The following SLC25A21 variants were observed in gnomAD, a reference collection of about 807,000 sequenced individuals.
SLC25A21 encodes the protein mitochondrial 2-oxodicarboxylate carrier.
A neutral mutation model predicts 43.8 loss-of-function variants in SLC25A21; 47 were observed. The ratio of observed to expected loss-of-function variants is 1.07; its 90% CI spans 0.85 to 1.37. The LOEUF (loss-of-function observed/expected upper bound fraction) is 1.37, where lower values mean the gene tolerates loss of function less well. SLC25A21 is among the 40% of genes most tolerant of loss of function. The probability of loss-of-function intolerance (pLI) is 0.00; values close to 1 mark genes in which losing one functional copy is unlikely to be tolerated. For missense variants in SLC25A21, 352 were observed against 350.2 expected (o/e 1.00, Z -0.04); for synonymous variants, 131 against 121.3 (o/e 1.08, Z -0.52).
At chr14:37,001,372 T>C (rs547121769) in intron 1 of SLC25A21, among the ~76,000 whole-genome samples, 32 of 152,218 alleles carry the variant, frequency 2.1e-4, no homozygotes, top group Admixed American at 4.6e-4. Context: ...AGTGAAGAAA[T>C]TGATGCCCAG....
At chr14:36,984,538 C>T (rs182086742) in intron 1 of SLC25A21, among the ~76,000 whole-genome samples, 345 of 145,670 alleles carry the variant, frequency 2.4e-3, no homozygotes, top group Non-Finnish European at 3.8e-3. Context: ...CCATCATTTG[C>T]TTGTTTAAAT....
At chr14:37,014,267 C>T (rs557116085) in intron 1 of SLC25A21, among the ~76,000 whole-genome samples, 1 of 152,252 alleles carries the variant, frequency 6.6e-6, no homozygotes, top group African/African-American at 2.4e-5. Context: ...CCATTTTCCC[C>T]AGAGTAGAAC....
chr14:36,805,459 G>A (rs546489350), intron 3 of SLC25A21, among the ~76,000 whole-genome samples: 17 of 152,224 alleles, frequency 1.1e-4, no homozygotes, highest in African/African-American at 2.6e-4. Flanking sequence ...CTGGGATGCC[G>A]CCCTCTGAGC....
At chr14:37,171,883 A>G in intron 1 of SLC25A21, 1 of 205,914 alleles carries the variant, frequency 4.9e-6, no homozygotes, top group Admixed American at 5.4e-5. Flanking sequence ...GTAAGACCTG[A>G]GCGAGCTTGA....
intron 2 of SLC25A21, among the ~76,000 whole-genome samples, chr14:36,857,026 C>A (rs982761237): frequency 3.3e-5 from 5 of 152,210 alleles, no homozygotes; most frequent in African/African-American, 1.2e-4. Flanking sequence ...CCTCATATTT[C>A]CATGGGCCTT....
chr14:36,763,903 C>G (rs992203655), intron 3 of SLC25A21, among the ~76,000 whole-genome samples: 1 of 150,632 alleles, frequency 6.6e-6, no homozygotes, highest in African/African-American at 2.5e-5. Context: ...ATGGTGGGCA[C>G]CTGTAATCTC....
chr14:36,733,388 T>C (rs1213665574), intron 4 of SLC25A21, among the ~76,000 whole-genome samples: 1 of 152,220 alleles, frequency 6.6e-6, no homozygotes, highest in Non-Finnish European at 1.5e-5. Context: ...GAAGTGATAC[T>C]ATAAAATCAC....
intron 3 of SLC25A21, among the ~76,000 whole-genome samples, chr14:36,756,706 G>T (rs774612625): frequency 6.6e-6 from 1 of 152,160 alleles, no homozygotes; most frequent in Non-Finnish European, 1.5e-5. Context: ...TAGGACAAAT[G>T]AGTCAAATAA....
intron 7 of SLC25A21, among the ~76,000 whole-genome samples, chr14:36,693,901 C>A (rs934910874): frequency 5.3e-5 from 8 of 152,030 alleles, no homozygotes; most frequent in African/African-American, 1.9e-4. Context: ...ACAAAAGTTC[C>A]ACCAAAATTT....
rs543146523 is a variant in SLC25A21, at chr14:36,691,216, T to G, written c.604-6291A>C. Among the ~76,000 whole-genome samples the G allele has an allele frequency of 9.6e-4, 147 of 152,344 alleles. 1 individual carries two copies. The highest frequency in any genetic ancestry group is 3.4e-3 in the Middle Eastern group (1 of 294). On this transcript the variant is annotated intron_variant, in intron 7 of 9. Transcript: ENST00000331299. ...TTTTAGAGACATGTGCACTTGCCTC[T>G]CAGGGCTGCACCCTCATTCAACATG...
chr14:36,851,009 C>T (rs382321), intron 2 of SLC25A21, among the ~76,000 whole-genome samples: 46,773 of 152,032 alleles, frequency 0.31, 7,439 homozygotes, highest in African/African-American at 0.38. Context: ...TACAGTCTGC[C>T]TGTTTAAGCG....
intron 1 of SLC25A21, among the ~76,000 whole-genome samples, chr14:37,097,612 G>A (rs893896147): frequency 6.6e-6 from 1 of 152,114 alleles, no homozygotes; most frequent in Non-Finnish European, 1.5e-5. Context: ...GCAGGGCGTC[G>A]TGGCTCACAC....
At chr14:36,978,891 T>C (rs1393111808) in intron 1 of SLC25A21, among the ~76,000 whole-genome samples, 2 of 152,142 alleles carry the variant, frequency 1.3e-5, no homozygotes, top group Non-Finnish European at 2.9e-5. Context: ...AAAAGTTTAC[T>C]GAGCTGGGCA....
Position 36,814,295 on chromosome 14 carries a change from T to C in SLC25A21, c.120-294A>G, listed in dbSNP as rs554622299. Reference sequence around the variant, plus strand: ...GTGCTTTTTCCTTTTGTGAAGAGCATACACAGATATCGTAGATTGTTTTAA... The same window carrying C: ...GTGCTTTTTCCTTTTGTGAAGAGCACACACAGATATCGTAGATTGTTTTAA... On this transcript the variant is annotated intron_variant, in intron 2 of 9. Coordinates refer to ENST00000331299, the MANE Select transcript of SLC25A21 (RefSeq NM_030631.4). 3.3e-5 allele frequency among the ~76,000 whole-genome samples: 5 copies of C among 152,360 alleles called. No individual in the cohort carries two copies. In the East Asian group the frequency reaches 7.7e-4, roughly 24 times the overall value.
At chr14:36,867,164 C>A (rs1481056331) in intron 2 of SLC25A21, among the ~76,000 whole-genome samples, 1 of 152,156 alleles carries the variant, frequency 6.6e-6, no homozygotes. Flanking sequence ...AACCTTCTTA[C>A]ATTACCTACT....
At chr14:37,148,523 G>T (rs1963706103) in intron 1 of SLC25A21, among the ~76,000 whole-genome samples, 1 of 152,136 alleles carries the variant, frequency 6.6e-6, no homozygotes, top group Admixed American at 6.5e-5. Context: ...TGCTATGAAA[G>T]AGGTCAAAGT....
rs540622910 is a variant in SLC25A21 at position 37,159,228 on chromosome 14, C to G, written c.70+13053G>C. 4.8e-5 allele frequency among the ~76,000 whole-genome samples: 7 copies of G among 145,288 alleles called. No homozygotes were observed. The East Asian group carries it at 8.1e-4, about 17-fold the overall frequency. On this transcript the variant is annotated intron_variant, in intron 1 of 9. Coordinates refer to ENST00000331299, the MANE Select transcript of SLC25A21 (RefSeq NM_030631.4). ...CTTCACGGAACAGAAAAAAAAAAAT[C>G]TTAAAATCCATAGGGAATCAAAAAA...
intron 1 of SLC25A21, among the ~76,000 whole-genome samples, chr14:36,976,862 T>A (rs1327407481): frequency 3.3e-5 from 5 of 152,256 alleles, no homozygotes; most frequent in Admixed American, 6.5e-5. Context: ...TGAAAAGTGC[T>A]AGTCATCTTG....
chr14:37,036,701 T>A (rs1175939828), intron 1 of SLC25A21, among the ~76,000 whole-genome samples: 1 of 152,198 alleles, frequency 6.6e-6, no homozygotes, highest in Non-Finnish European at 1.5e-5. Context: ...TCCCCACACT[T>A]CCAAAATTTT....
Sources: gnomAD v4.1 joint callset for allele counts (sites outside exome capture counted in the v4.1 genomes callset) on GRCh38, gnomAD v4.1.1 for gene constraint, MANE v1.5 for transcripts, NCBI Gene and HGNC (gene_info 2026-07-23, HGNC 2026-07-21) for gene names.